Variants in TAFA5 observed in about 807,000 individuals in gnomAD.
TAFA5 encodes the protein TAFA chemokine like family member 5, also known as chemokine-like protein TAFA-5.
Under a neutral mutation model 15.3 loss-of-function variants are expected in TAFA5, and 6 were observed. The observed-to-expected ratio is 0.39, with a 90% CI of 0.21 to 0.77. TAFA5 has a LOEUF of 0.77. Ranked by LOEUF, TAFA5 falls within the 30% of genes least tolerant of loss-of-function variation. The probability of loss-of-function intolerance (pLI) is 0.41; values close to 1 mark genes in which losing one functional copy is unlikely to be tolerated. For synonymous variants in TAFA5, 103 were observed against 80.7 expected (o/e 1.28, Z -1.48); for missense variants, 161 against 193.1 (o/e 0.83, Z 0.98).
chr22:48,684,178 C>T (rs1055627709), intron 2 of TAFA5, among the ~76,000 whole-genome samples: 12 of 152,044 alleles, frequency 7.9e-5, no homozygotes, highest in East Asian at 5.8e-4. Flanking sequence ...AGTGAGCGTT[C>T]GGAAGCAGAA....
chr22:48,663,128 G>A (rs1463565403), intron 2 of TAFA5, among the ~76,000 whole-genome samples: 1 of 152,086 alleles, frequency 6.6e-6, no homozygotes, highest in East Asian at 1.9e-4. Context: ...GGTTTTCTTT[G>A]GCTTTAACTT....
At chr22:48,537,527 C>T (rs1471497332) in intron 1 of TAFA5, among the ~76,000 whole-genome samples, 1 of 152,266 alleles carries the variant, frequency 6.6e-6, no homozygotes, top group Non-Finnish European at 1.5e-5. Context: ...CCTGGCCAGC[C>T]TGGCCTCTCA....
rs560023695 is a variant in TAFA5, at chr22:48,733,907, C to G, written c.391-15932C>G. On this transcript the variant is annotated intron_variant, in intron 3 of 3. Coordinates refer to ENST00000402357, the MANE Select transcript of TAFA5 (RefSeq NM_001082967.3). ...CAGCACAAGTTTGCCAACCCCTGGA[C>G]CAGACTAATAAAAGTTCTTCAGCCC... is the stretch of plus-strand genomic sequence containing the variant. Among the ~76,000 whole-genome samples, 3 of 152,284 alleles carry G rather than the reference C, an allele frequency of 2.0e-5. No homozygotes were observed. In the East Asian group the frequency reaches 5.8e-4, roughly 29 times the overall value.
intron 1 of TAFA5, among the ~76,000 whole-genome samples, chr22:48,606,142 C>T (rs1355074441): frequency 1.3e-5 from 2 of 152,192 alleles, no homozygotes; most frequent in African/African-American, 4.8e-5. Flanking sequence ...AGCAGCAGGG[C>T]TCCGCTCTCC....
intron 1 of TAFA5, among the ~76,000 whole-genome samples, chr22:48,637,468 C>G (rs919022388): frequency 6.6e-6 from 1 of 152,216 alleles, no homozygotes; most frequent in Non-Finnish European, 1.5e-5. Context: ...TCGGTCCACA[C>G]TGGCTGGCTA....
At chr22:48,601,772 T>C (rs1310057811) in intron 1 of TAFA5, among the ~76,000 whole-genome samples, 1 of 152,208 alleles carries the variant, frequency 6.6e-6, no homozygotes, top group Non-Finnish European at 1.5e-5. Flanking sequence ...CACGCCTGCA[T>C]GCACACACAC....
chr22:48,632,796 A>G (rs1275143889), intron 1 of TAFA5, among the ~76,000 whole-genome samples: 1 of 152,120 alleles, frequency 6.6e-6, no homozygotes, highest in African/African-American at 2.4e-5. Flanking sequence ...CCCTGCAGAG[A>G]GAATTGAAGG....
At chr22:48,543,449 A>G (rs1922536501) in intron 1 of TAFA5, 1 of 152,206 alleles carries the variant, frequency 6.6e-6, no homozygotes, top group African/African-American at 2.4e-5. Context: ...CCTTGCCTCC[A>G]AGGAGAGCCT....
chr22:48,619,378 CAG>C (rs1285771875), intron 1 of TAFA5, among the ~76,000 whole-genome samples: 5 of 152,164 alleles, frequency 3.3e-5, no homozygotes, highest in Admixed American at 6.5e-5. Context: ...GGTTTATAGA[CAG>C]AGTCTCACTC....
At chr22:48,607,783 G>T (rs958951616) in intron 1 of TAFA5, among the ~76,000 whole-genome samples, 2 of 152,096 alleles carry the variant, frequency 1.3e-5, no homozygotes, top group Non-Finnish European at 2.9e-5. Flanking sequence ...ACCCAAAGGA[G>T]AGTGGTCCAG....
At chr22:48,586,386 C>T (rs1042694016) in intron 1 of TAFA5, among the ~76,000 whole-genome samples, 2 of 152,264 alleles carry the variant, frequency 1.3e-5, no homozygotes, top group African/African-American at 2.4e-5. Context: ...GAGGAAGCCC[C>T]ACCTGCAGCA....
chr22:48,516,873 T>C (rs922167472), intron 1 of TAFA5, among the ~76,000 whole-genome samples: 2 of 152,212 alleles, frequency 1.3e-5, no homozygotes, highest in Non-Finnish European at 2.9e-5. Flanking sequence ...TGTGGGGATG[T>C]GCACGACCCC....
At chr22:48,652,013 A>G (rs1197596010) in intron 2 of TAFA5, among the ~76,000 whole-genome samples, 2 of 152,208 alleles carry the variant, frequency 1.3e-5, no homozygotes, top group Admixed American at 6.5e-5. Flanking sequence ...GACCGTCATC[A>G]TGCCTAGCTG....
At chr22:48,616,851 G>A (rs1267685107) in intron 1 of TAFA5, among the ~76,000 whole-genome samples, 5 of 152,218 alleles carry the variant, frequency 3.3e-5, no homozygotes, top group Non-Finnish European at 7.3e-5. Flanking sequence ...GGGACCCCTA[G>A]GGGTTTGGTG....
chr22:48,637,263 T>C (rs949679064), intron 1 of TAFA5, among the ~76,000 whole-genome samples: 1 of 152,008 alleles, frequency 6.6e-6, no homozygotes, highest in Non-Finnish European at 1.5e-5. Context: ...ACTAAATGAG[T>C]GTGGCGTAGG....
Position 48,696,531 on chromosome 22 carries a change from G to A in TAFA5, c.263-11186G>A, listed in dbSNP as rs554706736. ...CCAGCACTTCCTCTTTGACCTGCAG[G>A]GGGGTCCCGGAGTGAATGGGTGGCA... On this transcript the variant is annotated intron_variant, in intron 2 of 3. Coordinates refer to ENST00000402357, the MANE Select transcript of TAFA5 (RefSeq NM_001082967.3). 7.9e-5 allele frequency among the ~76,000 whole-genome samples: 12 copies of A among 152,318 alleles called. No homozygotes were observed. The South Asian group carries it at 1.7e-3, about 21-fold the overall frequency.
Position 48,749,965 on chromosome 22 carries a change from GT to G in TAFA5, c.*121del. ...CCGTTCTCTGCCGCCCGCCCACTCC[GT>G]TTCCCTGTGGTCCGTGAAGGACGGC... On this transcript the variant is annotated 3_prime_UTR_variant, in exon 4 of 4. Coordinates refer to ENST00000402357, the MANE Select transcript of TAFA5 (RefSeq NM_001082967.3). 2.0e-6 allele frequency: 2 copies of G among 1,015,278 alleles called. No homozygotes were observed. The highest frequency in any genetic ancestry group is 3.0e-6 in the Non-Finnish European group (2 of 674,888). The allele number at this position is 1,015,278 out of a possible 1,614,324, so 62.9% of individuals were successfully genotyped here.
intron 3 of TAFA5, among the ~76,000 whole-genome samples, chr22:48,734,084 A>G (rs996990931): frequency 7.9e-5 from 12 of 152,230 alleles, no homozygotes; most frequent in Non-Finnish European, 1.5e-4. Context: ...CTGACTTCCA[A>G]GCACATGTGT....
intron 1 of TAFA5, among the ~76,000 whole-genome samples, chr22:48,517,716 A>G (rs1446971999): frequency 6.6e-6 from 1 of 151,902 alleles, no homozygotes; most frequent in Admixed American, 6.6e-5. Flanking sequence ...AGGCTGGGGC[A>G]CCGAGATCCC....
Sources: allele counts gnomAD v4.1 joint callset (sites outside exome capture counted in the v4.1 genomes callset), GRCh38; gene constraint gnomAD v4.1.1; transcripts MANE v1.5; gene names NCBI Gene and HGNC (gene_info 2026-07-23, HGNC 2026-07-21).